ATG10: variants seen among roughly 807,000 people sequenced by gnomAD.
ATG10 encodes ubiquitin-like-conjugating enzyme ATG10.
Under a neutral mutation model 32.1 loss-of-function variants are expected in ATG10, and 30 were observed. The ratio of observed to expected loss-of-function variants is 0.94; its 90% CI spans 0.70 to 1.27. The LOEUF (loss-of-function observed/expected upper bound fraction) is 1.27. Ranked by LOEUF, ATG10 falls within the 50% of genes most tolerant of loss-of-function variation. ATG10 has a pLI of 0.00. For synonymous variants in ATG10, 87 were observed against 91.5 expected, an observed-to-expected ratio of 0.95 and a Z score of 0.28; for missense variants, 233 against 262.3, an observed-to-expected ratio of 0.89 and a Z score of 0.77.
chr5:82,139,110 C>T lies in ATG10; in HGVS notation c.217-25289C>T, dbSNP rs1219139838. On this transcript the variant is annotated intron_variant, in intron 3 of 7. Transcript: ENST00000282185. ...CCGCCAACCTCGGCCTCCCGAGGTG[C>T]CGGGATTGCAGACGGAGTCTCGTTC... Among the ~76,000 whole-genome samples the T allele has an allele frequency of 6.9e-3, 1,010 of 146,134 alleles. 8 individuals carry two copies. The highest frequency in any genetic ancestry group is 0.025 in the African/African-American group (961 of 39,104).
At chr5:82,125,068 G>C (rs1230418841) in intron 3 of ATG10, among the ~76,000 whole-genome samples, 3 of 152,106 alleles carry the variant, frequency 2.0e-5, no homozygotes, top group Admixed American at 2.0e-4. Flanking sequence ...TCATATGTTT[G>C]TTAGCTGCAT....
intron 3 of ATG10, among the ~76,000 whole-genome samples, chr5:82,144,395 G>C (rs1012836679): frequency 1.3e-5 from 2 of 151,652 alleles, no homozygotes; most frequent in Non-Finnish European, 2.9e-5. Flanking sequence ...TTTTAAGGTT[G>C]AAAGTTAAGT....
intron 5 of ATG10, among the ~76,000 whole-genome samples, chr5:82,224,268 A>G (rs896594316): frequency 2.6e-5 from 4 of 152,228 alleles, no homozygotes; most frequent in Non-Finnish European, 5.9e-5. Flanking sequence ...GTAGAGGGCC[A>G]TGCAATTGAA....
chr5:82,241,966 G>A (rs1260496716), intron 5 of ATG10, among the ~76,000 whole-genome samples: 3 of 151,988 alleles, frequency 2.0e-5, no homozygotes, highest in Non-Finnish European at 2.9e-5. Flanking sequence ...CACTTTTAAT[G>A]TTAAGCCTCA....
intron 4 of ATG10, 146 bp downstream of exon 4, chr5:82,164,683 T>G: frequency 1.4e-6 from 1 of 717,184 alleles, no homozygotes; most frequent in South Asian, 2.1e-5. Flanking sequence ...CCACTAAATT[T>G]TCTCATGCTT....
chr5:82,146,664 G>T (rs1767373351), intron 3 of ATG10, among the ~76,000 whole-genome samples: 1 of 147,258 alleles, frequency 6.8e-6, no homozygotes. Context: ...CATCTATCCT[G>T]TAGTTTATTC....
intron 5 of ATG10, among the ~76,000 whole-genome samples, chr5:82,189,520 G>A (rs1246785611): frequency 1.3e-5 from 2 of 152,224 alleles, no homozygotes; most frequent in East Asian, 1.9e-4. Flanking sequence ...TGTACTCTGT[G>A]TGTGTAGGTT....
rs577142855 is a variant in ATG10 at position 82,171,000 on chromosome 5, A to G, written c.355+6463A>G. On this transcript the variant is annotated intron_variant, in intron 4 of 7. Transcript: ENST00000282185. The stretch of plus-strand genomic sequence containing the variant: ...AACCAGCAGACCTTAGGCTGTAGAT[A>G]TCCAGCTGGTAGTATGGTTCTCAGA... Among the ~76,000 whole-genome samples the G allele has an allele frequency of 2.0e-5, 3 of 152,264 alleles. No individual in the cohort carries two copies. In the East Asian group the frequency reaches 5.8e-4, roughly 29 times the overall value.
At chr5:82,153,574 C>T (rs1767689604) in intron 3 of ATG10, among the ~76,000 whole-genome samples, 1 of 152,024 alleles carries the variant, frequency 6.6e-6, no homozygotes, top group Non-Finnish European at 1.5e-5. Context: ...GTGTTGTGAT[C>T]ATTGAACTAA....
At chr5:82,066,604 A>G (rs2149761687) in intron 3 of ATG10, among the ~76,000 whole-genome samples, 1 of 152,310 alleles carries the variant, frequency 6.6e-6, no homozygotes, top group East Asian at 1.9e-4. Flanking sequence ...ACAAAAAACA[A>G]CCTATCATAA....
chr5:82,049,717 G>A (rs1763346574), intron 2 of ATG10, among the ~76,000 whole-genome samples: 1 of 152,132 alleles, frequency 6.6e-6, no homozygotes, highest in Admixed American at 6.6e-5. Flanking sequence ...TAAGAAAGAA[G>A]TATTGGCCCC....
intron 3 of ATG10, chr5:82,148,093 A>C (rs1325284214): frequency 1.3e-5 from 2 of 152,166 alleles, no homozygotes; most frequent in Non-Finnish European, 2.9e-5. Context: ...TTGTTTTATT[A>C]ATAAAGTTTT....
At chr5:82,102,489 C>T (rs755849759) in intron 3 of ATG10, among the ~76,000 whole-genome samples, 22 of 152,068 alleles carry the variant, frequency 1.4e-4, no homozygotes, top group Non-Finnish European at 2.9e-4. Flanking sequence ...TATTGAATGT[C>T]TACTCCAATA....
intron 5 of ATG10, among the ~76,000 whole-genome samples, chr5:82,195,589 A>G (rs12374541): frequency 0.53 from 81,214 of 151,982 alleles, 23,404 homozygotes; most frequent in East Asian, 0.9. Context: ...TTTTTTCTCT[A>G]TAGAGTTGCT....
intron 5 of ATG10, among the ~76,000 whole-genome samples, chr5:82,180,446 A>C (rs1365742955): frequency 6.6e-6 from 1 of 152,170 alleles, no homozygotes. Context: ...GGTGCTGTGA[A>C]GAAGGATAAT....
chr5:82,061,414 T>A (rs1763768614), intron 3 of ATG10, among the ~76,000 whole-genome samples: 1 of 151,858 alleles, frequency 6.6e-6, no homozygotes, highest in South Asian at 2.1e-4. Flanking sequence ...GCTTTAAAAG[T>A]ATATGTCCTT....
At chr5:81,982,694 G>A (rs564558209) in intron 1 of ATG10, among the ~76,000 whole-genome samples, 2 of 152,264 alleles carry the variant, frequency 1.3e-5, no homozygotes, top group South Asian at 4.1e-4. Context: ...GGTTTTCCTA[G>A]GCAGAGGACC....
intron 3 of ATG10, among the ~76,000 whole-genome samples, chr5:82,113,599 A>G (rs1360650768): frequency 6.6e-6 from 1 of 152,100 alleles, no homozygotes; most frequent in Admixed American, 6.6e-5. Flanking sequence ...CTAGTTCTAC[A>G]TTAGAGATGC....
chr5:82,213,250 C>A (rs951049372), intron 5 of ATG10, among the ~76,000 whole-genome samples: 3 of 152,178 alleles, frequency 2.0e-5, no homozygotes, highest in African/African-American at 7.2e-5. Context: ...TTAAATTTCC[C>A]CTTTGGACCT....
Sources: allele counts gnomAD v4.1 joint callset (sites outside exome capture counted in the v4.1 genomes callset), GRCh38; gene constraint gnomAD v4.1.1; transcripts MANE v1.5; gene names NCBI Gene and HGNC (gene_info 2026-07-23, HGNC 2026-07-21).